The following TLL1 variants were observed in gnomAD, a reference collection of about 807,000 sequenced individuals.
The protein encoded by TLL1 is tolloid-like protein 1.
A neutral mutation model predicts 128.2 loss-of-function variants in TLL1; 49 were observed. That is an observed-to-expected ratio of 0.38 (90% confidence interval 0.30 to 0.48). TLL1 has a LOEUF of 0.48. Ranked by LOEUF, TLL1 falls within the 20% of genes least tolerant of loss-of-function variation. The probability of loss-of-function intolerance (pLI) is 0.96; values close to 1 mark genes in which losing one functional copy is unlikely to be tolerated. For synonymous variants in TLL1, 454 were observed against 418.8 expected, an observed-to-expected ratio of 1.08 and a Z score of -1.03; for missense variants, 1,123 against 1,242.0, an observed-to-expected ratio of 0.90 and a Z score of 1.44.
intron 1 of TLL1, among the ~76,000 whole-genome samples, chr4:165,980,557 T>C (rs535049490): frequency 8.5e-5 from 13 of 152,296 alleles, no homozygotes; most frequent in African/African-American, 3.1e-4. Flanking sequence ...GAGTTGTATG[T>C]AGTTAGCACC....
At chr4:166,031,356 G>A (rs1277520975) in intron 9 of TLL1, among the ~76,000 whole-genome samples, 1 of 143,280 alleles carries the variant, frequency 7.0e-6, no homozygotes, top group African/African-American at 2.6e-5. Context: ...TATGGCGATT[G>A]CAAGGTCTTT....
Position 166,065,778 on chromosome 4 carries a change from C to T in TLL1, c.2103C>T (p.Ile701=). ...KFCGAEVPEV[I]TSQFNNMRIE... is the part of the protein sequence containing the mutation. ...GTGGCGCTGAAGTGCCTGAAGTGAT[C>T]ACATCCCAGTTCAACAATATGAGAA... Residue 701 remains isoleucine, a synonymous_variant, in exon 16 of 21, where the codon ATC becomes ATT. Transcript: ENST00000061240. 1.2e-6 allele frequency: 2 copies of T among 1,613,004 alleles called. No homozygotes were observed. The highest frequency in any genetic ancestry group is 1.7e-6 in the Non-Finnish European group (2 of 1,179,342).
intron 1 of TLL1, among the ~76,000 whole-genome samples, chr4:165,902,712 T>C (rs951439083): frequency 2.6e-5 from 4 of 152,166 alleles, no homozygotes; most frequent in African/African-American, 9.7e-5. Flanking sequence ...GCTATTCCTA[T>C]TAGGCCATCT....
chr4:166,023,759 TAATC>T (rs1738356518), intron 8 of TLL1, among the ~76,000 whole-genome samples: 2 of 152,364 alleles, frequency 1.3e-5, no homozygotes, highest in Admixed American at 6.5e-5. Flanking sequence ...TTTATCTTCT[TAATC>T]AGAACAGTGT....
chr4:165,884,011 A>G (rs1288408518), intron 1 of TLL1, among the ~76,000 whole-genome samples: 3 of 152,194 alleles, frequency 2.0e-5, no homozygotes, highest in African/African-American at 7.2e-5. Flanking sequence ...CAATTTAAAG[A>G]GCTTAGATAT....
At chr4:166,009,998 C>G (rs1318418900) in intron 7 of TLL1, among the ~76,000 whole-genome samples, 4 of 151,378 alleles carry the variant, frequency 2.6e-5, no homozygotes, top group Non-Finnish European at 5.9e-5. Context: ...TTCTCAGCCT[C>G]TTGCAATCAC....
chr4:165,971,363 T>C (rs1735619848), intron 1 of TLL1, among the ~76,000 whole-genome samples: 1 of 152,170 alleles, frequency 6.6e-6, no homozygotes, highest in Non-Finnish European at 1.5e-5. Context: ...AAGAATATCA[T>C]GAGGGTGCCC....
chr4:166,012,303 G>T (rs1400429109), intron 7 of TLL1, among the ~76,000 whole-genome samples: 1 of 151,456 alleles, frequency 6.6e-6, no homozygotes, highest in Non-Finnish European at 1.5e-5. Context: ...ATATGGAGAA[G>T]AATAATTGTT....
At chr4:165,964,160 T>C (rs1461064126) in intron 1 of TLL1, among the ~76,000 whole-genome samples, 1 of 152,198 alleles carries the variant, frequency 6.6e-6, no homozygotes, top group Non-Finnish European at 1.5e-5. Context: ...ATACTTGGGC[T>C]CTGGAATCAG....
rs1742350805 is a variant in TLL1 at position 166,102,767 on chromosome 4, C to T, written c.*1891C>T. On this transcript the variant is annotated 3_prime_UTR_variant, in exon 21 of 21. Transcript: ENST00000061240. ...GCATATGAATTGTAAAATGTAAATA[C>T]ATTTTTATAACCAATGTTTTGATCT... The T allele has an allele frequency of 6.6e-6, 1 of 151,818 alleles. No homozygotes were observed. Among genetic ancestry groups the T allele is most frequent in the South Asian group, 2.1e-4 (1 of 4,830 alleles). The allele number at this position is 151,818 out of a possible 1,614,324, so 9.4% of individuals were successfully genotyped here. A position where few individuals can be genotyped will look rare whatever the true frequency, so the allele number is the denominator to read the frequency against.
At chr4:166,041,448 G>A (rs538175023) in intron 10 of TLL1, among the ~76,000 whole-genome samples, 3 of 151,868 alleles carry the variant, frequency 2.0e-5, no homozygotes, top group Admixed American at 2.0e-4. Flanking sequence ...CTATAGGCAC[G>A]TGCCACTACG....
rs79145120 is a variant in TLL1, at chr4:165,962,085, C to A, written c.170-27296C>A. ...CAAAAATTAACAAGTGGGATCTAATCAAATTGAAGAGCTTCTGAACAAAAA... is the reference window on the plus strand; with the variant it reads ...CAAAAATTAACAAGTGGGATCTAATAAAATTGAAGAGCTTCTGAACAAAAA... On this transcript the variant is annotated intron_variant, in intron 1 of 20. Transcript: ENST00000061240. 6.0e-3 allele frequency among the ~76,000 whole-genome samples: 908 copies of A among 152,042 alleles called. 6 individuals are homozygous for A. The highest frequency in any genetic ancestry group is 0.02 in the African/African-American group (835 of 41,510).
At chr4:165,919,290 G>A (rs1262794253) in intron 1 of TLL1, among the ~76,000 whole-genome samples, 1 of 151,216 alleles carries the variant, frequency 6.6e-6, no homozygotes, top group Non-Finnish European at 1.5e-5. Flanking sequence ...GGCTGAAGCA[G>A]GAGGATCACT....
chr4:166,020,506 T>C (rs916508228), intron 8 of TLL1, among the ~76,000 whole-genome samples: 5 of 152,182 alleles, frequency 3.3e-5, no homozygotes, highest in Admixed American at 2.6e-4. Context: ...TCTTAAATGA[T>C]TGATTTGTTC....
intron 1 of TLL1, among the ~76,000 whole-genome samples, chr4:165,893,240 C>G (rs1331296092): frequency 6.6e-6 from 1 of 152,150 alleles, no homozygotes; most frequent in Non-Finnish European, 1.5e-5. Flanking sequence ...GTAACAGGGA[C>G]TACATTTATC....
chr4:166,055,351 C>T (rs930172150), intron 13 of TLL1, 80 bp downstream of exon 13: 1 of 1,250,132 alleles, frequency 8.0e-7, no homozygotes. Context: ...TAGGGGAGAA[C>T]TAGAGAAAGT....
At chr4:166,061,340 G>C (rs904892191) in intron 15 of TLL1, among the ~76,000 whole-genome samples, 1 of 151,410 alleles carries the variant, frequency 6.6e-6, no homozygotes, top group Admixed American at 6.6e-5. Context: ...CCGCCTCCTG[G>C]GTTCAAACAA....
chr4:166,059,201 A>G (rs189478122), intron 14 of TLL1, among the ~76,000 whole-genome samples: 3 of 151,076 alleles, frequency 2.0e-5, no homozygotes, highest in Admixed American at 2.0e-4. Context: ...ATATATGTAT[A>G]TGTGTATACA....
intron 12 of TLL1, among the ~76,000 whole-genome samples, chr4:166,054,337 A>G (rs1273876252): frequency 6.6e-6 from 1 of 152,216 alleles, no homozygotes; most frequent in East Asian, 1.9e-4. Context: ...ATAACCAAAA[A>G]TAGTGCTACA....
Sources: allele counts gnomAD v4.1 joint callset (sites outside exome capture counted in the v4.1 genomes callset), GRCh38; gene constraint gnomAD v4.1.1; transcripts MANE v1.5; gene names NCBI Gene and HGNC (gene_info 2026-07-23, HGNC 2026-07-21).